Variants in RAP1GAP2 observed in about 807,000 individuals in gnomAD.
The protein encoded by RAP1GAP2 is RAP1 GTPase activating protein 2.
RAP1GAP2 carries 27 observed loss-of-function variants against 95.0 expected under a neutral mutation model. That is an observed-to-expected ratio of 0.28 (90% CI 0.21 to 0.39). RAP1GAP2 has a LOEUF of 0.39. RAP1GAP2 is among the 10% of genes least tolerant of loss of function. RAP1GAP2 has a pLI of 1.00. For missense variants in RAP1GAP2, 771 were observed against 970.0 expected, an observed-to-expected ratio of 0.79 and a Z score of 2.72; for synonymous variants, 373 against 380.9, an observed-to-expected ratio of 0.98 and a Z score of 0.24.
chr17:3,024,801 A>G (rs2151655473), intron 19 of RAP1GAP2, among the ~76,000 whole-genome samples: 1 of 152,394 alleles, frequency 6.6e-6, no homozygotes, highest in Admixed American at 6.5e-5. Flanking sequence ...AAGAAGCCAG[A>G]CAAAAAGACC....
At chr17:2,877,182 C>T (rs9906781) in intron 2 of RAP1GAP2, among the ~76,000 whole-genome samples, 2,040 of 152,198 alleles carry the variant, frequency 0.013, 49 homozygotes, top group African/African-American at 0.046. Flanking sequence ...AGCCACTGTG[C>T]CCAGCCTTGG....
In RAP1GAP2 at chr17:2,963,106, T is replaced by C; in HGVS notation, c.247-324T>C. ...TCACTTGGAGGTCAGTCCGCCTGCC[T>C]GGAAAGGGGTGCTGGGGGAGACTAG... On this transcript the variant is annotated intron_variant, in intron 5 of 24. Transcript: ENST00000254695. This position sits in a 1 kb window ranked among gnomAD's most constrained non-coding sequence, Gnocchi z 4.8. The C allele has an allele frequency of 1.9e-6, 1 of 539,610 alleles. No individual in the cohort carries two copies. Among genetic ancestry groups the C allele is most frequent in the Non-Finnish European group, 3.3e-6 (1 of 302,980 alleles). The allele number at this position is 539,610 out of a possible 1,614,324, so 33.4% of individuals were successfully genotyped here.
chr17:2,930,103 A>G (rs1280283736), intron 3 of RAP1GAP2, among the ~76,000 whole-genome samples: 1 of 152,200 alleles, frequency 6.6e-6, no homozygotes, highest in Non-Finnish European at 1.5e-5. Flanking sequence ...CTGGGACTGT[A>G]AGAGGCCAGG....
chr17:2,894,860 CGGTCT>C (rs1277632332), intron 2 of RAP1GAP2, among the ~76,000 whole-genome samples: 1 of 152,190 alleles, frequency 6.6e-6, no homozygotes, highest in Non-Finnish European at 1.5e-5. Context: ...GGCCCCGTTT[CGGTCT>C]TCCCCTGGCC....
intron 2 of RAP1GAP2, among the ~76,000 whole-genome samples, chr17:2,862,630 A>C (rs1402911181): frequency 6.6e-6 from 1 of 151,848 alleles, no homozygotes; most frequent in East Asian, 1.9e-4. Context: ...TTTTTATTTT[A>C]ATAGCTACTT....
rs1018801341 is a variant in RAP1GAP2, at chr17:2,857,795, A to G, written c.81-47489A>G. Among the ~76,000 whole-genome samples the G allele has an allele frequency of 6.6e-6, 1 of 152,132 alleles. No individual in the cohort carries two copies. ...CTGGGAAGGACGGAGGCCGAGGAACACGATCAAAATATGTACGTTCTTGGC... is the reference window on the plus strand; with the variant it reads ...CTGGGAAGGACGGAGGCCGAGGAACGCGATCAAAATATGTACGTTCTTGGC... On this transcript the variant is annotated intron_variant, in intron 2 of 24. Coordinates refer to ENST00000254695, the MANE Select transcript of RAP1GAP2 (RefSeq NM_015085.5). The surrounding 1 kb of genome is among the most constrained non-coding windows in gnomAD (Gnocchi z 4.0).
intron 2 of RAP1GAP2, among the ~76,000 whole-genome samples, chr17:2,810,016 ACCCTCCCCTCCC>A (rs954653148): frequency 2.1e-5 from 1 of 46,810 alleles, no homozygotes; most frequent in Non-Finnish European, 3.9e-5. Flanking sequence ...TTGTGCTGGG[ACCCTCCCCTCCC>A]CCCGCCCCAC....
Position 2,995,460 on chromosome 17 carries a change from C to T in RAP1GAP2, c.1038C>T (p.Ala346=), listed in dbSNP as rs1311285960. 6.2e-7 allele frequency: 1 copy of T among 1,613,764 alleles called. No individual in the cohort carries two copies. The highest frequency in any genetic ancestry group is 2.2e-5 in the East Asian group (1 of 44,866). ...STKLPFTDGD[A]QQLQRKRHIG... ...AGCTGCCATTTACCGACGGAGACGC[C>T]CAGCAGGTAACCTGGTTTGGGAGGG... The change falls in exon 13 of 25, where the codon GCC becomes GCT. Residue 346 remains alanine, a synonymous_variant. Coordinates refer to ENST00000254695, the MANE Select transcript of RAP1GAP2 (RefSeq NM_015085.5).
chr17:3,005,857 T>C lies in RAP1GAP2; in HGVS notation c.1273-98T>C. On this transcript the variant is annotated intron_variant, in intron 15 of 24. Transcript: ENST00000254695. This position sits in a 1 kb window ranked among gnomAD's most constrained non-coding sequence, Gnocchi z 5.2. ...GTCGGAAGGGACTTTTCAGGGGTTC[T>C]CCCCATGGCCCCGGCTCTGCCTGCC... 8.6e-7 allele frequency: 1 copy of C among 1,164,110 alleles called. No individual in the cohort carries two copies. Among genetic ancestry groups the C allele is most frequent in the Non-Finnish European group, 1.3e-6 (1 of 771,798 alleles). 72.1% of individuals were successfully genotyped at this position (1,164,110 alleles called of 1,614,324 possible). A position where few individuals can be genotyped will look rare whatever the true frequency, so the allele number is the denominator to read the frequency against.
chr17:3,030,177 TACACAC>T (rs61671474), intron 22 of RAP1GAP2, among the ~76,000 whole-genome samples: 3 of 145,248 alleles, frequency 2.1e-5, no homozygotes, highest in East Asian at 3.9e-4. Context: ...ATATATATTA[TACACAC>T]ACACACACAC....
intron 3 of RAP1GAP2, among the ~76,000 whole-genome samples, chr17:2,937,901 T>C (rs1001677351): frequency 1.3e-5 from 2 of 152,172 alleles, no homozygotes; most frequent in Non-Finnish European, 2.9e-5. Context: ...AAGCTGTGTC[T>C]TCCCCCAGCC....
intron 2 of RAP1GAP2, among the ~76,000 whole-genome samples, chr17:2,873,149 G>A (rs939740375): frequency 2.7e-5 from 4 of 150,862 alleles, no homozygotes; most frequent in African/African-American, 9.7e-5. Flanking sequence ...TGTTGTGTTG[G>A]CTTGTATTTG....
intron 3 of RAP1GAP2, 69 bp from the exon 4 acceptor site, chr17:2,957,690 G>A: frequency 6.7e-7 from 1 of 1,501,896 alleles, no homozygotes; most frequent in Non-Finnish European, 9.1e-7. Context: ...TAGTTGGTGA[G>A]GAAGAGGCTT....
Position 2,847,249 on chromosome 17 carries a change from C to T in RAP1GAP2, c.80+46699C>T, listed in dbSNP as rs551705418. 5.9e-5 allele frequency among the ~76,000 whole-genome samples: 9 copies of T among 152,258 alleles called. No individual in the cohort carries two copies. In the East Asian group the frequency reaches 1.7e-3, roughly 29 times the overall value. On this transcript the variant is annotated intron_variant, in intron 2 of 24. Transcript: ENST00000254695. ...GTCTCGAACTCCTGACCTCGTGATC[C>T]ACCCGCCTCAGCCTCCCAAAGTGCT...
At position 2,995,415 on chromosome 17, in the gene RAP1GAP2, C is replaced by T; in HGVS notation, c.993C>T (p.Ile331=). 1.2e-6 allele frequency: 2 copies of T among 1,613,970 alleles called. No homozygotes were observed. The highest frequency in any genetic ancestry group is 2.7e-5 in the African/African-American group (2 of 75,062). The change falls in exon 13 of 25, where the codon ATC becomes ATT. Residue 331 remains isoleucine (I), a synonymous_variant. Coordinates refer to ENST00000254695, the MANE Select transcript of RAP1GAP2 (RefSeq NM_015085.5). The part of the protein sequence containing the change: ...SVYTTFRDRE[I]MFHVSTKLPF... ...ACACAACATTCCGGGACAGGGAGATCATGTTTCACGTTTCCACAAAGCTGC... is the reference window on the plus strand; with the variant it reads ...ACACAACATTCCGGGACAGGGAGATTATGTTTCACGTTTCCACAAAGCTGC...
intron 2 of RAP1GAP2, among the ~76,000 whole-genome samples, chr17:2,895,790 C>A (rs1402697738): frequency 6.6e-6 from 1 of 152,124 alleles, no homozygotes; most frequent in Middle Eastern, 3.2e-3. Flanking sequence ...ATTGGCCAGG[C>A]CGGTCTCAAA....
At chr17:2,953,421 CAACTT>C (rs1271621582) in intron 3 of RAP1GAP2, among the ~76,000 whole-genome samples, 3 of 152,166 alleles carry the variant, frequency 2.0e-5, no homozygotes, top group Admixed American at 6.5e-5. Context: ...CTCCACCCCT[CAACTT>C]AATATATCTT....
At chr17:2,813,571 T>C (rs1331689316) in intron 2 of RAP1GAP2, among the ~76,000 whole-genome samples, 1 of 152,188 alleles carries the variant, frequency 6.6e-6, no homozygotes, top group East Asian at 1.9e-4. Context: ...GCTGACTCTT[T>C]GTTTTACGGT....
At chr17:2,970,271 C>A (rs2044801023) in intron 8 of RAP1GAP2, among the ~76,000 whole-genome samples, 1 of 67,176 alleles carries the variant, frequency 1.5e-5, no homozygotes, top group Admixed American at 2.2e-4. Context: ...GAGACTCTGT[C>A]TCAAAAAAAA....
Sources: allele counts gnomAD v4.1 joint callset (sites outside exome capture counted in the v4.1 genomes callset), GRCh38; gene constraint gnomAD v4.1.1; non-coding constraint Gnocchi (gnomAD v3.1); transcripts MANE v1.5; gene names NCBI Gene and HGNC (gene_info 2026-07-23, HGNC 2026-07-21).